ARHGAP26: variants seen among roughly 807,000 people sequenced by gnomAD.
ARHGAP26 encodes rho GTPase-activating protein 26.
A neutral mutation model predicts 104.8 loss-of-function variants in ARHGAP26; 38 were observed. The ratio of observed to expected loss-of-function variants is 0.36; its 90% CI spans 0.28 to 0.48. The LOEUF is 0.48. Among genes scored for constraint, ARHGAP26 ranks in the 20% least tolerant of loss-of-function variants. ARHGAP26 has a pLI of 0.99. For missense variants in ARHGAP26, 704 were observed against 947.9 expected, an observed-to-expected ratio of 0.74 and a Z score of 3.38; for synonymous variants, 341 against 340.0, an observed-to-expected ratio of 1.00 and a Z score of -0.03.
intron 11 of ARHGAP26, among the ~76,000 whole-genome samples, chr5:143,003,964 C>T (rs1777549159): frequency 7.1e-6 from 1 of 140,028 alleles, no homozygotes; most frequent in African/African-American, 2.8e-5. Flanking sequence ...CCAGAATCAC[C>T]ACACATTCAG....
intron 11 of ARHGAP26, among the ~76,000 whole-genome samples, chr5:143,007,195 A>AAAAG (rs1491437518): frequency 1.6e-5 from 1 of 61,990 alleles, no homozygotes; most frequent in Admixed American, 1.8e-4. Flanking sequence ...TCTGTCTCCG[A>AAAAG]AAAAAAAAAA....
intron 1 of ARHGAP26, among the ~76,000 whole-genome samples, chr5:142,818,047 T>C (rs1182049760): frequency 6.6e-6 from 1 of 152,196 alleles, no homozygotes; most frequent in African/African-American, 2.4e-5. Context: ...TTTCTTAGCA[T>C]GTCATCCAGT....
At chr5:142,794,361 C>T (rs1054186789) in intron 1 of ARHGAP26, among the ~76,000 whole-genome samples, 1 of 152,068 alleles carries the variant, frequency 6.6e-6, no homozygotes, top group Non-Finnish European at 1.5e-5. Flanking sequence ...TACTGGGGTG[C>T]TATAAATACA....
intron 20 of ARHGAP26, among the ~76,000 whole-genome samples, chr5:143,167,536 A>G (rs1458412239): frequency 2.0e-5 from 3 of 150,018 alleles, no homozygotes; most frequent in East Asian, 2.0e-4. Flanking sequence ...ATTGTTTGTA[A>G]TAAGAATAGG....
At chr5:142,802,178 C>A (rs1164593275) in intron 1 of ARHGAP26, among the ~76,000 whole-genome samples, 2 of 152,204 alleles carry the variant, frequency 1.3e-5, no homozygotes, top group African/African-American at 2.4e-5. Flanking sequence ...ATCCTGTTAT[C>A]ATTGGTGATG....
At chr5:142,947,752 A>G (rs1349587538) in intron 11 of ARHGAP26, among the ~76,000 whole-genome samples, 3 of 152,244 alleles carry the variant, frequency 2.0e-5, no homozygotes, top group Non-Finnish European at 4.4e-5. Context: ...ATGGAAATCC[A>G]TGAAGGCGAG....
At chr5:142,987,186 A>G (rs1222384744) in intron 11 of ARHGAP26, among the ~76,000 whole-genome samples, 1 of 152,156 alleles carries the variant, frequency 6.6e-6, no homozygotes, top group African/African-American at 2.4e-5. Context: ...AGTGGTTTGT[A>G]GTTCTCCTTG....
Position 143,068,494 on chromosome 5 carries a change from T to C in ARHGAP26, c.1538+10747T>C, listed in dbSNP as rs539124907. On this transcript the variant is annotated intron_variant, in intron 17 of 22. Transcript: ENST00000645722. Reference sequence around the variant, plus strand: ...GTGCTCCTACCTAAAGGCATTCCCTTTCCTGGGACACTAGAGCCGATTGAC... The same window carrying C: ...GTGCTCCTACCTAAAGGCATTCCCTCTCCTGGGACACTAGAGCCGATTGAC... Among the ~76,000 whole-genome samples, 29 of 152,346 alleles carry C rather than the reference T, an allele frequency of 1.9e-4. 1 individual carries two copies. In the South Asian group the frequency reaches 5.6e-3, roughly 29 times the overall value.
chr5:143,213,979 A>C lies in ARHGAP26; in HGVS notation c.2100-18A>C. 1 of 1,524,052 alleles carries C rather than the reference A, an allele frequency of 6.6e-7. No individual in the cohort carries two copies. The highest frequency in any genetic ancestry group is 9.0e-7 in the Non-Finnish European group (1 of 1,109,120). 94.4% of individuals were successfully genotyped at this position (1,524,052 alleles called of 1,614,324 possible). A position where few individuals can be genotyped will look rare whatever the true frequency, so the allele number is the denominator to read the frequency against. On this transcript the variant is annotated intron_variant, in intron 21 of 22. Transcript: ENST00000645722. ...GGGTTTTTTCAAAAATGTTAAATAA[A>C]CTCCTGTTTTCACACAGCACACCGT...
chr5:143,220,325 C>T (rs750698447), intron 22 of ARHGAP26, among the ~76,000 whole-genome samples: 16 of 152,318 alleles, frequency 1.1e-4, no homozygotes, highest in East Asian at 1.9e-4. Context: ...TAGGTCGCTA[C>T]TAGGAGGGGG....
intron 12 of ARHGAP26, among the ~76,000 whole-genome samples, chr5:143,020,271 T>A (rs1048601135): frequency 2.0e-5 from 3 of 152,106 alleles, no homozygotes; most frequent in Non-Finnish European, 4.4e-5. Context: ...TAAGGGCAGG[T>A]GGCACTGAGA....
intron 17 of ARHGAP26, among the ~76,000 whole-genome samples, chr5:143,080,662 T>G (rs1476723503): frequency 6.6e-6 from 1 of 152,232 alleles, no homozygotes. Flanking sequence ...AAGCTGAGTT[T>G]GCAGAGCTAA....
At chr5:142,890,736 G>A (rs23282) in intron 5 of ARHGAP26, among the ~76,000 whole-genome samples, 64,715 of 151,842 alleles carry the variant, frequency 0.43, 17,479 homozygotes, top group East Asian at 0.9. Context: ...CGACATGCAC[G>A]GGACACTTTC....
At chr5:143,044,159 G>A (rs1033259056) in intron 14 of ARHGAP26, among the ~76,000 whole-genome samples, 2 of 152,258 alleles carry the variant, frequency 1.3e-5, no homozygotes, top group Admixed American at 6.5e-5. Context: ...GCACACAAAA[G>A]TGTCAAGAAG....
rs758774663 is a variant in ARHGAP26, at chr5:143,207,198, C to T, written c.1989C>T (p.Leu663=). The stretch of plus-strand genomic sequence containing the variant: ...GTTTTCTGGTTGTTATGTCTTGCAG[C>T]CCCCCGAATCCAAGCCCAACTTCAC... ...AVVKPTRPNS[L]PPNPSPTSPL... The change falls in exon 21 of 23, where the codon CTC becomes CTT. Residue 663 remains leucine (L), a splice_region_variant and synonymous_variant. Coordinates refer to ENST00000645722, the MANE Select transcript of ARHGAP26 (RefSeq NM_001135608.3). The T allele has an allele frequency of 4.4e-5, 71 of 1,612,172 alleles. 1 individual carries two copies. Among genetic ancestry groups the T allele is most frequent in the Admixed American group, 4.3e-4 (26 of 59,884 alleles).
intron 8 of ARHGAP26, among the ~76,000 whole-genome samples, chr5:142,903,942 C>A (rs1760727199): frequency 6.6e-6 from 1 of 152,080 alleles, no homozygotes; most frequent in African/African-American, 2.4e-5. Flanking sequence ...TCTTGGGGTT[C>A]CTGTACCCCT....
chr5:143,081,630 A>G (rs1789825059), intron 17 of ARHGAP26, among the ~76,000 whole-genome samples: 4 of 152,340 alleles, frequency 2.6e-5, no homozygotes, highest in Admixed American at 2.0e-4. Flanking sequence ...GGGAAGAATA[A>G]TAGGATCCAT....
intron 1 of ARHGAP26, among the ~76,000 whole-genome samples, chr5:142,831,055 A>G (rs1768318468): frequency 6.6e-6 from 1 of 152,182 alleles, no homozygotes; most frequent in Non-Finnish European, 1.5e-5. Context: ...AAAGATGATA[A>G]TCCATGTGAA....
intron 11 of ARHGAP26, among the ~76,000 whole-genome samples, chr5:142,982,076 T>A (rs1774024746): frequency 6.6e-6 from 1 of 152,230 alleles, no homozygotes; most frequent in South Asian, 2.1e-4. Context: ...TATGCTGCTT[T>A]TGAAGGCTGA....
Sources: gnomAD v4.1 joint callset for allele counts (sites outside exome capture counted in the v4.1 genomes callset) on GRCh38, gnomAD v4.1.1 for gene constraint, MANE v1.5 for transcripts, NCBI Gene and HGNC (gene_info 2026-07-23, HGNC 2026-07-21) for gene names.